ZEB1: variants seen among roughly 807,000 people sequenced by gnomAD.
The protein encoded by ZEB1 is zinc finger E-box binding homeobox 1, also known as zinc finger E-box-binding homeobox 1.
In ZEB1, 21 loss-of-function variants were observed where a neutral mutation model predicts 84.9. The ratio of observed to expected loss-of-function variants is 0.25; its 90% CI spans 0.18 to 0.36. ZEB1 has a LOEUF of 0.36. Ranked by LOEUF, ZEB1 falls within the 10% of genes least tolerant of loss-of-function variation. ZEB1 has a pLI of 1.00. For missense variants in ZEB1, 1,104 were observed against 1,330.2 expected (o/e 0.83, Z 2.65); for synonymous variants, 420 against 471.1 (o/e 0.89, Z 1.41).
At chr10:31,524,226 T>C (rs371275716) in intron 8 of ZEB1, 113 bp downstream of exon 8, 6 of 1,211,104 alleles carry the variant, frequency 5.0e-6, no homozygotes, top group African/African-American at 4.6e-5. Context: ...TTATTTTGTT[T>C]TGAGACAAGG....
rs199766553 is a variant in ZEB1, at chr10:31,476,232, AAGAG to A, written c.259+14999_259+15002del. On this transcript the variant is annotated intron_variant, in intron 2 of 8. Transcript: ENST00000424869. ...CCACTAACTAGTTTAATGAAGAAAA[AAGAG>A]AGAAAATTCAAGTAAGCACAATCAG... is the stretch of plus-strand genomic sequence containing the variant. 7.8e-3 allele frequency among the ~76,000 whole-genome samples: 1,189 copies of A among 152,148 alleles called. 7 individuals are homozygous for A. Among genetic ancestry groups the A allele is most frequent in the African/African-American group, 0.027 (1,104 of 41,524 alleles).
At chr10:31,464,645 A>G (rs917319112) in intron 2 of ZEB1, among the ~76,000 whole-genome samples, 6 of 152,230 alleles carry the variant, frequency 3.9e-5, no homozygotes, top group African/African-American at 1.4e-4. Flanking sequence ...GAAAGCAGCA[A>G]AAGAAAAGTT....
At chr10:31,441,166 G>A (rs2058924534) in intron 1 of ZEB1, among the ~76,000 whole-genome samples, 1 of 152,104 alleles carries the variant, frequency 6.6e-6, no homozygotes, top group Non-Finnish European at 1.5e-5. Context: ...ATACTACAAG[G>A]CAACAGTAAC....
At chr10:31,405,445 C>T (rs1011876360) in intron 1 of ZEB1, among the ~76,000 whole-genome samples, 18 of 152,186 alleles carry the variant, frequency 1.2e-4, no homozygotes, top group Middle Eastern at 3.4e-3. Flanking sequence ...GTTTCTTTAC[C>T]CATAAAGCCT....
intron 1 of ZEB1, among the ~76,000 whole-genome samples, chr10:31,367,051 T>G (rs2044651790): frequency 6.6e-6 from 1 of 152,198 alleles, no homozygotes; most frequent in South Asian, 2.1e-4. Context: ...AACTCTTTGT[T>G]GAGCCCGGGA....
At position 31,521,819 on chromosome 10, in the gene ZEB1, G is replaced by C; in HGVS notation, c.2487G>C (p.Ala829=). The C allele has an allele frequency of 6.2e-7, 1 of 1,613,610 alleles. No homozygotes were observed. The change falls in exon 7 of 9, where the codon GCG becomes GCC. Residue 829 remains alanine (A), a synonymous_variant. Coordinates refer to ENST00000424869, the MANE Select transcript of ZEB1 (RefSeq NM_001174096.2). ...ADQNSVPCLR[A]LAANKQTILI... ...AGAACAGTGTTCCATGCTTAAGAGC[G>C]CTAGCTGCCAATAAGCAAACGATTC...
intron 1 of ZEB1, chr10:31,321,311 A>G (rs1173583070): frequency 7.1e-7 from 1 of 1,409,590 alleles, no homozygotes; most frequent in Non-Finnish European, 9.3e-7. Context: ...CATTAAAATC[A>G]CTGCTTTCGT....
chr10:31,406,702 T>C (rs1389188290), intron 1 of ZEB1, among the ~76,000 whole-genome samples: 1 of 152,038 alleles, frequency 6.6e-6, no homozygotes, highest in African/African-American at 2.4e-5. Context: ...TTTAATTACA[T>C]TCATTTGTCA....
At chr10:31,514,927 C>T (rs1193980417) in intron 6 of ZEB1, among the ~76,000 whole-genome samples, 1 of 151,920 alleles carries the variant, frequency 6.6e-6, no homozygotes, top group Non-Finnish European at 1.5e-5. Flanking sequence ...CTCCAGATTT[C>T]CTAATCAGAA....
rs575971074 is a variant in ZEB1, at chr10:31,406,985, T to A, written c.59-54052T>A. Among the ~76,000 whole-genome samples the A allele has an allele frequency of 3.9e-5, 6 of 152,274 alleles. No homozygotes were observed. In the East Asian group the frequency reaches 1.2e-3, roughly 29 times the overall value. ...CATTGCTTGTTTTTTGTCAGGTTTGTCAAAGATCAGATGGTTGTAGATGTG... is the reference window on the plus strand; with the variant it reads ...CATTGCTTGTTTTTTGTCAGGTTTGACAAAGATCAGATGGTTGTAGATGTG... On this transcript the variant is annotated intron_variant, in intron 1 of 8. Transcript: ENST00000424869.
intron 1 of ZEB1, among the ~76,000 whole-genome samples, chr10:31,343,802 A>T (rs2039820579): frequency 6.6e-6 from 1 of 152,074 alleles, no homozygotes; most frequent in African/African-American, 2.4e-5. Flanking sequence ...TTGACACAGA[A>T]CCCATGAATG....
Position 31,341,886 on chromosome 10 carries a change from A to C in ZEB1, c.58+22594A>C, listed in dbSNP as rs1305444082. On this transcript the variant is annotated intron_variant, in intron 1 of 8. Transcript: ENST00000424869. ...CGTTGTGATTTCCTTAGAAGCCTTA[A>C]ATTGGTGGGGGAGATCAGAATGTAA... Among the ~76,000 whole-genome samples, 3 of 152,192 alleles carry C rather than the reference A, an allele frequency of 2.0e-5. No individual in the cohort carries two copies. In the East Asian group the frequency reaches 5.8e-4, roughly 29 times the overall value.
chr10:31,418,411 T>C (rs752320815), intron 1 of ZEB1, among the ~76,000 whole-genome samples: 2 of 152,080 alleles, frequency 1.3e-5, no homozygotes, highest in African/African-American at 2.4e-5. Flanking sequence ...GCACAGTCTT[T>C]GAGCTGCAGA....
intron 1 of ZEB1, among the ~76,000 whole-genome samples, chr10:31,360,624 T>C (rs900973720): frequency 6.6e-6 from 1 of 152,224 alleles, no homozygotes; most frequent in African/African-American, 2.4e-5. Context: ...TAAAATGTGC[T>C]GAAATATTTT....
intron 1 of ZEB1, chr10:31,363,198 G>T (rs1161045657): frequency 1.3e-6 from 2 of 1,534,058 alleles, no homozygotes; most frequent in Non-Finnish European, 8.7e-7. Context: ...TGGGCAGGTG[G>T]TCTTCACCCA....
Position 31,483,365 on chromosome 10 carries a change from G to T in ZEB1, c.260-12411G>T, listed in dbSNP as rs527819209. 9.2e-5 allele frequency among the ~76,000 whole-genome samples: 14 copies of T among 152,108 alleles called. No individual in the cohort carries two copies. The South Asian group carries it at 2.9e-3, about 32-fold the overall frequency. On this transcript the variant is annotated intron_variant, in intron 2 of 8. Transcript: ENST00000424869. Reference sequence around the variant, plus strand: ...ATATCTTGCCAAGATGGTACATTAAGTAATGGAAAGCCAAGATTCAAACCC... The same window carrying T: ...ATATCTTGCCAAGATGGTACATTAATTAATGGAAAGCCAAGATTCAAACCC...
chr10:31,419,757 A>G (rs950383385), intron 1 of ZEB1, among the ~76,000 whole-genome samples: 1 of 152,224 alleles, frequency 6.6e-6, no homozygotes, highest in African/African-American at 2.4e-5. Flanking sequence ...GGTGAAAACA[A>G]AGCATTTATT....
At chr10:31,518,926 A>G (rs987562926) in intron 6 of ZEB1, among the ~76,000 whole-genome samples, 19 of 152,186 alleles carry the variant, frequency 1.2e-4, no homozygotes, top group African/African-American at 4.3e-4. Context: ...TGTTTAAACT[A>G]TAGCATTGAA....
intron 2 of ZEB1, among the ~76,000 whole-genome samples, chr10:31,466,843 CAACA>C (rs2137683961): frequency 6.6e-6 from 1 of 151,954 alleles, no homozygotes; most frequent in South Asian, 2.1e-4. Flanking sequence ...AAGATAAAAT[CAACA>C]AACATTTAGC....
Sources: allele counts gnomAD v4.1 joint callset (sites outside exome capture counted in the v4.1 genomes callset), GRCh38; gene constraint gnomAD v4.1.1; transcripts MANE v1.5; gene names NCBI Gene and HGNC (gene_info 2026-07-23, HGNC 2026-07-21).